ARAP2: variants seen among roughly 807,000 people sequenced by gnomAD.
ARAP2 encodes arf-GAP with Rho-GAP domain, ANK repeat and PH domain-containing protein 2.
In ARAP2, 148 loss-of-function variants were observed where a neutral mutation model predicts 194.5. That is an observed-to-expected ratio of 0.76 (90% CI 0.67 to 0.87). The LOEUF is 0.87. Among genes scored for constraint, ARAP2 ranks in the 40% least tolerant of loss-of-function variants. The pLI, the probability that ARAP2 is intolerant of heterozygous loss-of-function variation, is 0.00. For synonymous variants in ARAP2, 695 were observed against 683.5 expected, an observed-to-expected ratio of 1.02 and a Z score of -0.26; for missense variants, 2,128 against 1,989.7, an observed-to-expected ratio of 1.07 and a Z score of -1.32.
intron 7 of ARAP2, among the ~76,000 whole-genome samples, chr4:36,190,542 C>T (rs116164487): frequency 0.013 from 2,037 of 152,248 alleles, 46 homozygotes; most frequent in African/African-American, 0.044. Context: ...ACTGAGGCTC[C>T]ACTGAGCCTA....
At chr4:36,017,564 T>TAAAAAAAAA (rs71199694) in intron 6 of ARAP2, among the ~76,000 whole-genome samples, 12,715 of 42,280 alleles carry the variant, frequency 0.3, 3,906 homozygotes, top group Non-Finnish European at 0.34. Context: ...AAGAAAGTGG[T>TAAAAAAAAA]AAAAAAAAAA....
chr4:36,072,184 CTT>C (rs2109312790), intron 32 of ARAP2, among the ~76,000 whole-genome samples: 1 of 152,028 alleles, frequency 6.6e-6, no homozygotes, highest in South Asian at 2.1e-4. Context: ...TAAAAAATGT[CTT>C]TGCCAAATTT....
chr4:36,194,031 T>C (rs1211743238), intron 6 of ARAP2, among the ~76,000 whole-genome samples: 1 of 152,220 alleles, frequency 6.6e-6, no homozygotes, highest in Non-Finnish European at 1.5e-5. Flanking sequence ...TTATTTTCCC[T>C]TGATTTTTGT....
chr4:36,124,873 T>C lies in ARAP2; in HGVS notation c.3735A>G (p.Glu1245=), dbSNP rs866470489. The C allele has an allele frequency of 1.9e-6, 3 of 1,606,476 alleles. No individual in the cohort carries two copies. The highest frequency in any genetic ancestry group is 3.3e-4 in the Middle Eastern group (2 of 6,028). ...VNRATLAAII[E]HLYRVQKCSE... is the part of the protein sequence containing the mutation. ...ATTCATCTACCCACCTATACAGGTGTTCAATGATAGCTGCTAGTGTTGCTC... is the reference window on the plus strand; with the variant it reads ...ATTCATCTACCCACCTATACAGGTGCTCAATGATAGCTGCTAGTGTTGCTC... The change falls in exon 22 of 33, where the codon GAA becomes GAG. Residue 1245 remains glutamate, a synonymous_variant. Coordinates refer to ENST00000303965, the MANE Select transcript of ARAP2 (RefSeq NM_015230.4).
At chr4:36,185,433 T>C (rs745502162) in intron 8 of ARAP2, among the ~76,000 whole-genome samples, 10 of 152,098 alleles carry the variant, frequency 6.6e-5, no homozygotes, top group Non-Finnish European at 1.5e-4. Context: ...TAAGTTGATC[T>C]CAGTAATCCA....
intron 31 of ARAP2, among the ~76,000 whole-genome samples, chr4:36,078,324 A>G (rs1476485737): frequency 6.6e-6 from 1 of 152,106 alleles, no homozygotes; most frequent in Non-Finnish European, 1.5e-5. Context: ...AGGTCAGGAA[A>G]AGTTTCTCTG....
At chr4:36,194,050 A>G (rs1033409617) in intron 6 of ARAP2, among the ~76,000 whole-genome samples, 5 of 152,188 alleles carry the variant, frequency 3.3e-5, no homozygotes, top group South Asian at 4.1e-4. Flanking sequence ...GTTTTAGGGC[A>G]TAAATATCTT....
chr4:36,082,498 G>A (rs937213930), intron 29 of ARAP2, among the ~76,000 whole-genome samples: 2 of 152,088 alleles, frequency 1.3e-5, no homozygotes. Context: ...GGAGGCTTGT[G>A]ATGATATGGG....
At chr4:36,020,121 G>C (rs746205902) in intron 5 of ARAP2, among the ~76,000 whole-genome samples, 1 of 152,118 alleles carries the variant, frequency 6.6e-6, no homozygotes, top group African/African-American at 2.4e-5. Flanking sequence ...ATAATACCAC[G>C]ACAATCAGAC....
At chr4:36,031,563 C>T (rs1311315915) in intron 5 of ARAP2, among the ~76,000 whole-genome samples, 2 of 151,952 alleles carry the variant, frequency 1.3e-5, no homozygotes, top group Non-Finnish European at 2.9e-5. Flanking sequence ...TGCCTCTTAA[C>T]CAGAAAGCTA....
chr4:36,239,559 A>G (rs1308504440), intron 1 of ARAP2, among the ~76,000 whole-genome samples: 1 of 152,238 alleles, frequency 6.6e-6, no homozygotes, highest in Non-Finnish European at 1.5e-5. Flanking sequence ...TTCCACTTAC[A>G]TAAGGTATCT....
chr4:36,114,285 T>C lies in ARAP2; in HGVS notation c.4041A>G (p.Ile1347Met). ...KEPDCSIIIR[I>M]SPVMEAEELT... ...ATTCTTCTGCTTCCATCACAGGAGA[T>C]ATCTGTAAGAGAAGTAATATTTTTT... is the stretch of plus-strand genomic sequence containing the variant. Residue 1347 changes from isoleucine to methionine, a missense_variant and splice_region_variant, in exon 26 of 33, where the codon ATA becomes ATG. By Grantham distance (10) the Ile-to-Met change is conservative. Transcript: ENST00000303965. 6.4e-7 allele frequency: 1 copy of C among 1,551,622 alleles called. No homozygotes were observed.
At chr4:36,190,648 C>T (rs943476756) in intron 7 of ARAP2, among the ~76,000 whole-genome samples, 1 of 152,150 alleles carries the variant, frequency 6.6e-6, no homozygotes, top group Non-Finnish European at 1.5e-5. Context: ...AATTTTCCTG[C>T]ATATTATTTT....
intron 3 of ARAP2, among the ~76,000 whole-genome samples, chr4:36,213,758 C>T (rs1747292413): frequency 6.6e-6 from 1 of 152,066 alleles, no homozygotes; most frequent in South Asian, 2.1e-4. Flanking sequence ...AACATAATAG[C>T]TAGATATCAC....
Position 36,159,450 on chromosome 4 carries a change from A to T in ARAP2, c.2498T>A (p.Phe833Tyr). 1 of 1,600,676 alleles carries T rather than the reference A, an allele frequency of 6.2e-7. No homozygotes were observed. ...GGCACACATGACATCTGCTCCACTG[A>T]ACAGCAAAGCCATTGTTTCTAGAAC... ...PDVLETMALL[F>Y]SGADVMCATG... The change falls in exon 14 of 33, where the codon TTC becomes TAC. Residue 833 changes from phenylalanine to tyrosine, a missense_variant. Phe to Tyr is a conservative substitution (Grantham distance 22, BLOSUM62 3). Transcript: ENST00000303965.
At chr4:36,127,144 T>A (rs1724134787) in intron 21 of ARAP2, among the ~76,000 whole-genome samples, 1 of 152,100 alleles carries the variant, frequency 6.6e-6, no homozygotes, top group African/African-American at 2.4e-5. Flanking sequence ...TCTTGCCATG[T>A]ACTACTGATA....
At chr4:36,163,620 A>C (rs1220696006) in intron 11 of ARAP2, among the ~76,000 whole-genome samples, 1 of 152,206 alleles carries the variant, frequency 6.6e-6, no homozygotes, top group Non-Finnish European at 1.5e-5. Flanking sequence ...AAGGAAATGG[A>C]TAACTTTTAG....
rs1214679400 is a variant in ARAP2 at position 36,116,515 on chromosome 4, A to C, written c.4038+546T>G. Among the ~76,000 whole-genome samples, 3 of 151,940 alleles carry C rather than the reference A, an allele frequency of 2.0e-5. No individual in the cohort carries two copies. In the East Asian group the frequency reaches 5.8e-4, roughly 29 times the overall value. ...CTCTCAAGGGAGAAAAGAGTTATCC[A>C]AATAAATATCCCAGACTTATATTCA... On this transcript the variant is annotated intron_variant, in intron 25 of 32. Coordinates refer to ENST00000303965, the MANE Select transcript of ARAP2 (RefSeq NM_015230.4).
chr4:36,187,528 G>A lies in ARAP2; in HGVS notation c.1601C>T (p.Thr534Ile), dbSNP rs1247392030. ...TTTGTTGTCTCCTTGAACTCGTACT[G>A]TTGATATAGCAGAAAGGGGAATTAT... ...KGIIPLSAISTVRVQGDNKFE... is the reference protein window; with the variant it reads ...KGIIPLSAISIVRVQGDNKFE... The change falls in exon 8 of 33, where the codon ACA (threonine) becomes ATA (isoleucine). Residue 534 changes from threonine to isoleucine, a missense_variant. Coordinates refer to ENST00000303965, the MANE Select transcript of ARAP2 (RefSeq NM_015230.4). 1 of 1,565,868 alleles carries A rather than the reference G, an allele frequency of 6.4e-7. No homozygotes were observed. Among genetic ancestry groups the A allele is most frequent in the Admixed American group, 2.0e-5 (1 of 51,260 alleles).
Sources: allele counts gnomAD v4.1 joint callset (sites outside exome capture counted in the v4.1 genomes callset), GRCh38; gene constraint gnomAD v4.1.1; transcripts MANE v1.5; gene names NCBI Gene and HGNC (gene_info 2026-07-23, HGNC 2026-07-21).